The following WFS1 variants were observed in gnomAD, a reference collection of about 807,000 sequenced individuals.
WFS1 encodes wolframin.
Under a neutral mutation model 68.5 loss-of-function variants are expected in WFS1, and 90 were observed. The observed-to-expected ratio is 1.31, with a 90% confidence interval of 1.11 to 1.56. The LOEUF (loss-of-function observed/expected upper bound fraction) is 1.56, where lower values mean the gene tolerates loss of function less well. WFS1 is among the 40% of genes most tolerant of loss of function. The pLI is 0.00. For missense variants in WFS1, 1,767 were observed against 1,232.6 expected (o/e 1.43, Z -6.49); for synonymous variants, 860 against 540.7 (o/e 1.59, Z -8.19).
rs1353249521 is a variant in WFS1 at position 6,299,937 on chromosome 4, C to T, written c.862-720C>T. Reference sequence around the variant, plus strand: ...TGTATGGGGTGGGTTTGTGTGAATGCGTGTGTGTAGGGGTGGGTTGCGTGT... The same window carrying T: ...TGTATGGGGTGGGTTTGTGTGAATGTGTGTGTGTAGGGGTGGGTTGCGTGT... On this transcript the variant is annotated intron_variant, in intron 7 of 7. Coordinates refer to ENST00000226760, the MANE Select transcript of WFS1 (RefSeq NM_006005.3). 9.3e-3 allele frequency among the ~76,000 whole-genome samples: 821 copies of T among 88,098 alleles called. 15 individuals carry two copies. The highest frequency in any genetic ancestry group is 0.032 in the African/African-American group (732 of 22,752). The allele number at this position is 88,098 out of a possible 152,430, so 57.8% of individuals were successfully genotyped here.
Position 6,295,375 on chromosome 4 carries a change from G to A in WFS1, c.861+186G>A, listed in dbSNP as rs1235254871. ...ATAAGGATGTGTCCTCGGGAGAGAG[G>A]CCTTTCTTTTCTGCGCCGTCAGGCT... is the stretch of plus-strand genomic sequence containing the variant. On this transcript the variant is annotated intron_variant, in intron 7 of 7. Coordinates refer to ENST00000226760, the MANE Select transcript of WFS1 (RefSeq NM_006005.3). Among the ~76,000 whole-genome samples, 8 of 151,984 alleles carry A rather than the reference G, an allele frequency of 5.3e-5. No homozygotes were observed. In the East Asian group the frequency reaches 1.5e-3, roughly 29 times the overall value.
intron 1 of WFS1, among the ~76,000 whole-genome samples, chr4:6,276,642 T>C (rs1199603917): frequency 1.3e-5 from 2 of 152,220 alleles, no homozygotes; most frequent in African/African-American, 4.8e-5. Context: ...CCCAGCTCCC[T>C]TCCCCTCTCA....
intron 3 of WFS1, 180 bp from the exon 4 acceptor site, chr4:6,288,807 G>A (rs542432003): frequency 4.3e-4 from 376 of 879,828 alleles, no homozygotes; most frequent in Non-Finnish European, 6.4e-4. Context: ...TTTGAGGAGC[G>A]AGTGGCCGGA....
At chr4:6,293,703 G>T (rs1294860190) in intron 6 of WFS1, among the ~76,000 whole-genome samples, 1 of 152,172 alleles carries the variant, frequency 6.6e-6, no homozygotes, top group Non-Finnish European at 1.5e-5. Flanking sequence ...CTCAGGACAG[G>T]ACATCCTGCC....
At position 6,302,125 on chromosome 4, in the gene WFS1, T is replaced by C. The variant is rs1215314749; in HGVS notation, c.2330T>C (p.Ile777Thr). The change falls in exon 8 of 8, where the codon ATT becomes ACT. Residue 777 changes from isoleucine (I) to threonine (T), a missense_variant. By Grantham distance (89) the Ile-to-Thr change is moderately conservative. Coordinates refer to ENST00000226760, the MANE Select transcript of WFS1 (RefSeq NM_006005.3). ...IKKFDRYKFEITVGMPFSSGA... is the reference protein window; with the variant it reads ...IKKFDRYKFETTVGMPFSSGA... Reference sequence around the variant, plus strand: ...AAGTTCGACCGCTACAAGTTTGAGATTACCGTGGGCATGCCATTCAGCAGC... The same window carrying C: ...AAGTTCGACCGCTACAAGTTTGAGACTACCGTGGGCATGCCATTCAGCAGC... 4.3e-6 allele frequency: 7 copies of C among 1,612,930 alleles called. No homozygotes were observed. The highest frequency in any genetic ancestry group is 5.9e-6 in the Non-Finnish European group (7 of 1,180,010).
rs1398502609 is a variant in WFS1 at position 6,301,143 on chromosome 4, C to T, written c.1348C>T (p.His450Tyr). The change falls in exon 8 of 8, where the codon CAT (histidine) becomes TAT (tyrosine). Residue 450 changes from histidine (H) to tyrosine (Y), a missense_variant. Transcript: ENST00000226760. ...TVTSYLSLST[H>Y]AEPYTRRALA... Reference sequence around the variant, plus strand: ...GACCAGCTACCTGAGCCTGAGCACCCATGCAGAGCCCTACACGCGCAGGGC... The same window carrying T: ...GACCAGCTACCTGAGCCTGAGCACCTATGCAGAGCCCTACACGCGCAGGGC... The T allele has an allele frequency of 2.9e-5, 47 of 1,613,086 alleles. No homozygotes were observed. Among genetic ancestry groups the T allele is most frequent in the Non-Finnish European group, 3.8e-5 (45 of 1,180,010 alleles).
At position 6,302,351 on chromosome 4, in the gene WFS1, C is replaced by A; in HGVS notation, c.2556C>A (p.Ala852=). The A allele has an allele frequency of 6.2e-7, 1 of 1,612,966 alleles. No homozygotes were observed. The highest frequency in any genetic ancestry group is 8.5e-7 in the Non-Finnish European group (1 of 1,180,004). The change falls in exon 8 of 8, where the codon GCC becomes GCA. Residue 852 remains alanine (A), a synonymous_variant. Transcript: ENST00000226760. ...LKAISCLNCM[A]QLSPTRRHVK... ...CCATCAGCTGCCTCAACTGCATGGCCCAGCTCTCACCCACCAGGCGGCACG... is the reference window on the plus strand; with the variant it reads ...CCATCAGCTGCCTCAACTGCATGGCACAGCTCTCACCCACCAGGCGGCACG...
chr4:6,272,885 T>C (rs1338289223), intron 1 of WFS1, among the ~76,000 whole-genome samples: 1 of 152,188 alleles, frequency 6.6e-6, no homozygotes, highest in East Asian at 1.9e-4. Context: ...ATGTACGAGG[T>C]CACGTTTACC....
At chr4:6,280,327 G>T (rs543466095) in intron 2 of WFS1, among the ~76,000 whole-genome samples, 1 of 152,244 alleles carries the variant, frequency 6.6e-6, no homozygotes, top group Non-Finnish European at 1.5e-5. Flanking sequence ...GGCAGGGGCC[G>T]TTTCTTCACA....
chr4:6,298,967 C>T (rs1185612216), intron 7 of WFS1, among the ~76,000 whole-genome samples: 1 of 152,234 alleles, frequency 6.6e-6, no homozygotes, highest in Non-Finnish European at 1.5e-5. Context: ...GGGCCCTGGA[C>T]ATGCAGCCAG....
intron 1 of WFS1, among the ~76,000 whole-genome samples, chr4:6,273,633 A>G (rs887511229): frequency 6.6e-6 from 1 of 152,172 alleles, no homozygotes; most frequent in Non-Finnish European, 1.5e-5. Context: ...CCGAGTGGAT[A>G]AGCTGCAGCC....
At chr4:6,285,359 A>T (rs1464381902) in intron 2 of WFS1, among the ~76,000 whole-genome samples, 2 of 146,146 alleles carry the variant, frequency 1.4e-5, no homozygotes, top group East Asian at 4.1e-4. Context: ...TGTCCAGGGA[A>T]AGCAGCATCA....
intron 2 of WFS1, among the ~76,000 whole-genome samples, chr4:6,280,691 CTGTGCTAAGTG>C (rs34309855): frequency 0.073 from 11,052 of 152,164 alleles, 463 homozygotes; most frequent in African/African-American, 0.1. Flanking sequence ...TGTGCTTGGC[CTGTGCTAAGTG>C]TGTGCTAAGC....
chr4:6,279,075 C>T (rs1170760864), intron 2 of WFS1, among the ~76,000 whole-genome samples: 1 of 152,214 alleles, frequency 6.6e-6, no homozygotes, highest in East Asian at 1.9e-4. Context: ...GGGCCTGCAG[C>T]TGGGGGCAGT....
In WFS1 at chr4:6,275,178, G is replaced by A. The variant is rs567469285; in HGVS notation, c.-5-2273G>A. 1.2e-4 allele frequency among the ~76,000 whole-genome samples: 18 copies of A among 152,348 alleles called. 1 individual carries two copies. Among genetic ancestry groups the A allele is most frequent in the South Asian group, 1.0e-3 (5 of 4,828 alleles). On this transcript the variant is annotated intron_variant, in intron 1 of 7. Coordinates refer to ENST00000226760, the MANE Select transcript of WFS1 (RefSeq NM_006005.3). ...GTCTTGATGGCAGAGATGCCCTGGC[G>A]TAGGTCAGCCCTCAGTAAAGGTGCC...
rs142668478 is a variant in WFS1 at position 6,301,849 on chromosome 4, G to A, written c.2054G>A (p.Arg685His). ...PRAWKETNMA[R>H]TQILCSHLEG... ...GCCTGGAAGGAGACCAACATGGCGC[G>A]CACCCAGATCCTCTGCAGCCACCTG... The change falls in exon 8 of 8, where the codon CGC becomes CAC. Residue 685 changes from arginine (R) to histidine (H), a missense_variant. By Grantham distance (29) the Arg-to-His change is conservative. Transcript: ENST00000226760. 260 of 1,612,740 alleles carry A rather than the reference G, an allele frequency of 1.6e-4. No homozygotes were observed. Among genetic ancestry groups the A allele is most frequent in the Middle Eastern group, 3.3e-4 (2 of 6,084 alleles).
chr4:6,302,481 A>C lies in WFS1; in HGVS notation c.*13A>C, dbSNP rs1578613691. ...GTCGGCGGCCTGAGGATGGTCCGCC[A>C]CGAGGAGCTTCCAGTGCATGTTGCC... is the stretch of plus-strand genomic sequence containing the variant. On this transcript the variant is annotated 3_prime_UTR_variant, in exon 8 of 8. Transcript: ENST00000226760. The C allele has an allele frequency of 1.9e-6, 3 of 1,612,158 alleles. No individual in the cohort carries two copies. Among genetic ancestry groups the C allele is most frequent in the Non-Finnish European group, 2.5e-6 (3 of 1,180,020 alleles).
chr4:6,274,332 C>T (rs1729928573), intron 1 of WFS1, among the ~76,000 whole-genome samples: 2 of 152,128 alleles, frequency 1.3e-5, no homozygotes, highest in Non-Finnish European at 2.9e-5. Flanking sequence ...CAGGCGTGAG[C>T]CACCGCGCCT....
chr4:6,288,639 GA>G (rs1730376845), intron 3 of WFS1: 1 of 381,132 alleles, frequency 2.6e-6, no homozygotes, highest in Admixed American at 3.8e-5. Flanking sequence ...ACTGTTTTGA[GA>G]GGTGTAAAGG....
Sources: gnomAD v4.1 joint callset for allele counts (sites outside exome capture counted in the v4.1 genomes callset) on GRCh38, gnomAD v4.1.1 for gene constraint, MANE v1.5 for transcripts, NCBI Gene and HGNC (gene_info 2026-07-23, HGNC 2026-07-21) for gene names.